The following HS1BP3 variants were observed in gnomAD, a reference collection of about 807,000 sequenced individuals.
HS1BP3 encodes the protein HCLS1-binding protein 3.
Under a neutral mutation model 33.5 loss-of-function variants are expected in HS1BP3, and 32 were observed. That is an observed-to-expected ratio of 0.95 (90% CI 0.72 to 1.28). The LOEUF is 1.28. HS1BP3 is among the 50% of genes most tolerant of loss of function. HS1BP3 has a pLI of 0.00. For synonymous variants in HS1BP3, 187 were observed against 209.2 expected, an observed-to-expected ratio of 0.89 and a Z score of 0.92; for missense variants, 486 against 502.3, an observed-to-expected ratio of 0.97 and a Z score of 0.31.
intron 4 of HS1BP3, among the ~76,000 whole-genome samples, chr2:20,627,629 A>C (rs1163043478): frequency 6.6e-6 from 1 of 152,128 alleles, no homozygotes; most frequent in Non-Finnish European, 1.5e-5. Flanking sequence ...TCCTGAACTG[A>C]AATAAAGTGG....
intron 2 of HS1BP3, among the ~76,000 whole-genome samples, chr2:20,602,039 G>T (rs1343068046): frequency 6.6e-6 from 1 of 151,516 alleles, no homozygotes; most frequent in Non-Finnish European, 1.5e-5. Flanking sequence ...GAAACTGTTG[G>T]CAGGAAGACA....
At chr2:20,606,822 G>T (rs1694192605) in intron 2 of HS1BP3, among the ~76,000 whole-genome samples, 1 of 152,112 alleles carries the variant, frequency 6.6e-6, no homozygotes, top group South Asian at 2.1e-4. Context: ...TTGTTGAGTT[G>T]TAGGAGTTCT....
chr2:20,639,524 T>C (rs1261055818), intron 3 of HS1BP3, among the ~76,000 whole-genome samples: 2 of 152,220 alleles, frequency 1.3e-5, no homozygotes, highest in Non-Finnish European at 2.9e-5. Context: ...AAAATCACCT[T>C]GTAGGTAAAG....
chr2:20,644,525 A>G (rs1476381307), intron 2 of HS1BP3, among the ~76,000 whole-genome samples: 1 of 152,212 alleles, frequency 6.6e-6, no homozygotes, highest in Admixed American at 6.5e-5. Flanking sequence ...CATGCCCCCT[A>G]GGTCTGCTCC....
At chr2:20,633,500 T>TAA (rs982319302) in intron 4 of HS1BP3, among the ~76,000 whole-genome samples, 16 of 152,196 alleles carry the variant, frequency 1.1e-4, no homozygotes, top group African/African-American at 3.4e-4. Flanking sequence ...CTTTGTGCAG[T>TAA]AATCTGTTTT....
At chr2:20,598,783 C>T (rs924976468) in intron 2 of HS1BP3, among the ~76,000 whole-genome samples, 1 of 152,042 alleles carries the variant, frequency 6.6e-6, no homozygotes, top group African/African-American at 2.4e-5. Flanking sequence ...TGGTCTCGAT[C>T]TCCTGACCTC....
rs1268026729 is a variant in HS1BP3 at position 20,560,549 on chromosome 2, G to A, written c.303-34C>T. On this transcript the variant is annotated intron_variant, in intron 5 of 5. Transcript: ENST00000446825. ...ATAACAAGAACAGATGTGTGTTTTG[G>A]TGTTTATCAAATGACTTGACCTCTA... 4 of 152,258 alleles carry A rather than the reference G, an allele frequency of 2.6e-5. No individual in the cohort carries two copies. In the East Asian group the frequency reaches 5.8e-4, roughly 22 times the overall value. 9.4% of individuals were successfully genotyped at this position (152,258 alleles called of 1,614,324 possible).
intron 2 of HS1BP3, among the ~76,000 whole-genome samples, chr2:20,598,606 TG>T: frequency 8.3e-6 from 1 of 120,790 alleles, no homozygotes; most frequent in East Asian, 2.8e-4. Context: ...TCGCCCAGGC[TG>T]GAGTGCAGTG....
intron 1 of HS1BP3, 133 bp from the exon 2 acceptor site, chr2:20,645,638 A>G (rs1695496464): frequency 2.3e-6 from 2 of 872,426 alleles, no homozygotes; most frequent in Non-Finnish European, 1.7e-6. Context: ...CTCAGTGGTC[A>G]CTGCTCCAGG....
At chr2:20,608,742 C>A (rs533641747) in intron 2 of HS1BP3, among the ~76,000 whole-genome samples, 1 of 152,228 alleles carries the variant, frequency 6.6e-6, no homozygotes, top group Admixed American at 6.5e-5. Flanking sequence ...CTCTGCTGCC[C>A]CAAGGAAACC....
At position 20,641,179 on chromosome 2, in the gene HS1BP3, A is replaced by G; in HGVS notation, c.200T>C (p.Val67Ala). 6.2e-7 allele frequency: 1 copy of G among 1,602,612 alleles called. No individual in the cohort carries two copies. Among genetic ancestry groups the G allele is most frequent in the Non-Finnish European group, 8.5e-7 (1 of 1,179,524 alleles). ...CTCAATCTCGCTGTACTTTTTGGAG[A>G]CCTGGAATGAGAGGAGCATGTGGTT... ...HRPEDVVQFL[V>A]SKKYSEIEEF... is the part of the protein sequence containing the mutation. Residue 67 changes from valine to alanine, a missense_variant and splice_region_variant, in exon 3 of 7, where the codon GTC (valine) becomes GCC (alanine). By Grantham distance (64) the Val-to-Ala change is moderately conservative (BLOSUM62 0). Transcript: ENST00000304031.
At chr2:20,613,687 C>T (rs1694358673), downstream of HS1BP3, among the ~76,000 whole-genome samples, 1 of 152,192 alleles carries the variant, frequency 6.6e-6, no homozygotes, top group African/African-American at 2.4e-5. Context: ...TAATGATGGC[C>T]CGTGGTGGGT....
chr2:20,597,926 G>T (rs927131080), intron 3 of HS1BP3, among the ~76,000 whole-genome samples: 2 of 152,036 alleles, frequency 1.3e-5, no homozygotes, highest in Non-Finnish European at 2.9e-5. Context: ...CCTCCTTATC[G>T]AAGACTCCCT....
chr2:20,564,291 G>A (rs754633680), intron 5 of HS1BP3, among the ~76,000 whole-genome samples: 5 of 152,202 alleles, frequency 3.3e-5, no homozygotes, highest in African/African-American at 7.2e-5. Flanking sequence ...CAGGGTGGAC[G>A]GCTGTGACTC....
chr2:20,566,221 G>A (rs1192940607), intron 5 of HS1BP3, among the ~76,000 whole-genome samples: 1 of 152,232 alleles, frequency 6.6e-6, no homozygotes, highest in Admixed American at 6.5e-5. Context: ...CTGCAGTAGA[G>A]TTCAAGATGT....
At chr2:20,635,510 A>G (rs1002208512) in intron 4 of HS1BP3, 7 of 152,242 alleles carry the variant, frequency 4.6e-5, no homozygotes, top group African/African-American at 1.4e-4. Context: ...CAATTTTTCT[A>G]TACTAATTGT....
chr2:20,606,862 C>T (rs1475019976), intron 2 of HS1BP3, among the ~76,000 whole-genome samples: 7 of 152,048 alleles, frequency 4.6e-5, no homozygotes, highest in East Asian at 1.9e-4. Flanking sequence ...GATCCTTAAA[C>T]GATATATGGT....
At chr2:20,634,115 C>T (rs1043784082) in intron 4 of HS1BP3, among the ~76,000 whole-genome samples, 55 of 152,374 alleles carry the variant, frequency 3.6e-4, no homozygotes, top group African/African-American at 1.1e-3. Flanking sequence ...AAGCCCAGCC[C>T]GAGCAGGAGT....
intron 4 of HS1BP3, chr2:20,635,721 T>G (rs1695103921): frequency 6.6e-6 from 1 of 152,168 alleles, no homozygotes; most frequent in Non-Finnish European, 1.5e-5. Flanking sequence ...ACGTGCATTG[T>G]GCCTGCGGTT....
Sources: allele counts gnomAD v4.1 joint callset (sites outside exome capture counted in the v4.1 genomes callset), GRCh38; gene constraint gnomAD v4.1.1; transcripts MANE v1.5; gene names NCBI Gene and HGNC (gene_info 2026-07-23, HGNC 2026-07-21).